Variants in NEGR1 observed in about 807,000 individuals in gnomAD.
NEGR1 encodes IgLON family member 4.
NEGR1 carries 10 observed loss-of-function variants against 40.9 expected under a neutral mutation model. The ratio of observed to expected loss-of-function variants is 0.24; its 90% CI spans 0.15 to 0.42. The LOEUF is 0.42. NEGR1 is among the 10% of genes least tolerant of loss of function. NEGR1 has a pLI of 1.00. For synonymous variants in NEGR1, 185 were observed against 166.8 expected, an observed-to-expected ratio of 1.11 and a Z score of -0.84; for missense variants, 352 against 438.9, an observed-to-expected ratio of 0.80 and a Z score of 1.77.
chr1:72,176,076 A>G (rs1440999864), intron 1 of NEGR1, among the ~76,000 whole-genome samples: 1 of 152,152 alleles, frequency 6.6e-6, no homozygotes, highest in South Asian at 2.1e-4. Flanking sequence ...AAATTGCACT[A>G]GTACTGAATT....
intron 2 of NEGR1, among the ~76,000 whole-genome samples, chr1:71,813,908 T>C (rs888337589): frequency 2.6e-5 from 4 of 152,132 alleles, no homozygotes; most frequent in Non-Finnish European, 4.4e-5. Flanking sequence ...CCCTTCCTAT[T>C]TGAATACATT....
intron 1 of NEGR1, among the ~76,000 whole-genome samples, chr1:72,157,517 C>T (rs1651403795): frequency 6.6e-6 from 1 of 152,116 alleles, no homozygotes; most frequent in African/African-American, 2.4e-5. Context: ...GTATGTAAGA[C>T]TGGGAGTTTA....
intron 6 of NEGR1, among the ~76,000 whole-genome samples, chr1:71,447,212 T>G (rs1023082998): frequency 1.3e-5 from 2 of 152,160 alleles, no homozygotes; most frequent in Non-Finnish European, 2.9e-5. Context: ...GTCATGAGCC[T>G]CTAATGCCTC....
chr1:71,568,230 G>A (rs1648685331), intron 6 of NEGR1, among the ~76,000 whole-genome samples: 1 of 152,112 alleles, frequency 6.6e-6, no homozygotes, highest in Non-Finnish European at 1.5e-5. Flanking sequence ...TGTATTAGAG[G>A]CCTTTTAAAA....
chr1:72,161,676 C>CTTTTTTTTTTTTTTTTT (rs779074685), intron 1 of NEGR1, among the ~76,000 whole-genome samples: 4 of 84,556 alleles, frequency 4.7e-5, no homozygotes, highest in Admixed American at 1.4e-4. Flanking sequence ...TTCTTTCTTT[C>CTTTTTTTTTTTTTTTTT]TTTTTTTTTT....
chr1:72,172,795 T>C (rs1303552217), intron 1 of NEGR1, among the ~76,000 whole-genome samples: 1 of 152,074 alleles, frequency 6.6e-6, no homozygotes. Context: ...TTTCAGCTTT[T>C]AGAGGCTGCC....
At chr1:72,217,295 G>C (rs572681158) in intron 1 of NEGR1, among the ~76,000 whole-genome samples, 1 of 150,490 alleles carries the variant, frequency 6.6e-6, no homozygotes, top group South Asian at 2.1e-4. Flanking sequence ...TAAACCCAAG[G>C]CATAATAAAA....
intron 4 of NEGR1, among the ~76,000 whole-genome samples, chr1:71,692,828 T>G (rs1653338620): frequency 6.6e-6 from 1 of 151,820 alleles, no homozygotes; most frequent in East Asian, 1.9e-4. Context: ...ATAAAAAACT[T>G]ACTTCACAGC....
intron 1 of NEGR1, among the ~76,000 whole-genome samples, chr1:72,143,913 T>TG (rs777723043): frequency 0.31 from 30,587 of 98,308 alleles, 3,928 homozygotes; most frequent in South Asian, 0.38. Context: ...ATGATATATA[T>TG]AATATATATA....
chr1:71,733,728 G>T (rs1370427445), intron 3 of NEGR1, among the ~76,000 whole-genome samples: 1 of 152,140 alleles, frequency 6.6e-6, no homozygotes, highest in Non-Finnish European at 1.5e-5. Flanking sequence ...GAGCTCATTT[G>T]TTAAAACAGC....
intron 2 of NEGR1, among the ~76,000 whole-genome samples, chr1:71,861,444 G>A (rs1659944503): frequency 6.6e-6 from 1 of 152,098 alleles, no homozygotes; most frequent in Middle Eastern, 3.4e-3. Flanking sequence ...ATATTGAAAT[G>A]CCTATATGCA....
At position 71,450,800 on chromosome 1, in the gene NEGR1, C is replaced by T. The variant is rs528424055; in HGVS notation, c.941-43230G>A. On this transcript the variant is annotated intron_variant, in intron 6 of 6. Transcript: ENST00000357731. The stretch of plus-strand genomic sequence containing the variant: ...ACTCCAGCCTGGGTGCAGAGCGAGA[C>T]TCGGTCTCAGGGAAAAAAAGAAAAA... Among the ~76,000 whole-genome samples the T allele has an allele frequency of 6.6e-5, 10 of 150,824 alleles. No individual in the cohort carries two copies. The East Asian group carries it at 1.4e-3, about 21-fold the overall frequency.
chr1:71,625,293 G>C lies in NEGR1; in HGVS notation c.668-14147C>G, dbSNP rs182041253. ...CTTTATACTTACATGAATACACACA[G>C]ACACACACACACACACACACAATTG... On this transcript the variant is annotated intron_variant, in intron 4 of 6. Transcript: ENST00000357731. 2.0e-3 allele frequency among the ~76,000 whole-genome samples: 289 copies of C among 147,924 alleles called. 5 individuals are homozygous for C. The East Asian group carries it at 0.045, about 23-fold the overall frequency.
At chr1:72,043,342 G>A (rs548076539) in intron 1 of NEGR1, among the ~76,000 whole-genome samples, 4 of 151,598 alleles carry the variant, frequency 2.6e-5, no homozygotes, top group African/African-American at 9.7e-5. Context: ...AACCAGCATT[G>A]CCTTTGTTTT....
At chr1:72,121,929 C>A (rs1649820266) in intron 1 of NEGR1, among the ~76,000 whole-genome samples, 1 of 151,750 alleles carries the variant, frequency 6.6e-6, no homozygotes, top group African/African-American at 2.4e-5. Flanking sequence ...TGGGGCAATG[C>A]AGATAATTTT....
At chr1:71,698,212 A>G in intron 3 of NEGR1, 73 bp from the exon 4 acceptor site, 1 of 1,340,554 alleles carries the variant, frequency 7.5e-7, no homozygotes, top group Non-Finnish European at 1.0e-6. Flanking sequence ...CAATTTCATG[A>G]CTTCCTACAA....
chr1:71,415,884 G>A (rs911364460), intron 6 of NEGR1, among the ~76,000 whole-genome samples: 6 of 152,210 alleles, frequency 3.9e-5, no homozygotes, highest in Admixed American at 6.5e-5. Flanking sequence ...CTATGTAAGC[G>A]TCTTGACATA....
intron 1 of NEGR1, among the ~76,000 whole-genome samples, chr1:72,237,408 G>A (rs1201006415): frequency 1.3e-5 from 2 of 151,898 alleles, no homozygotes; most frequent in Non-Finnish European, 2.9e-5. Flanking sequence ...TCTGGAGCCT[G>A]AGAAGTCCAA....
At chr1:71,856,704 A>T (rs547580144) in intron 2 of NEGR1, among the ~76,000 whole-genome samples, 40 of 152,192 alleles carry the variant, frequency 2.6e-4, no homozygotes, top group Non-Finnish European at 4.7e-4. Context: ...ATTGTCTGTC[A>T]TTATGCTAAT....
Sources: gnomAD v4.1 joint callset for allele counts (sites outside exome capture counted in the v4.1 genomes callset) on GRCh38, gnomAD v4.1.1 for gene constraint, MANE v1.5 for transcripts, NCBI Gene and HGNC (gene_info 2026-07-23, HGNC 2026-07-21) for gene names.